Variants in SLC16A12 observed in about 807,000 individuals in gnomAD.
SLC16A12 encodes the protein solute carrier family 16 member 12, also known as monocarboxylate transporter 12.
In SLC16A12, 17 loss-of-function variants were observed where a neutral mutation model predicts 42.4. The ratio of observed to expected loss-of-function variants is 0.40; its 90% CI spans 0.27 to 0.60. SLC16A12 has a LOEUF of 0.60. Among genes scored for constraint, SLC16A12 ranks in the 20% least tolerant of loss-of-function variants. The probability of loss-of-function intolerance (pLI) is 0.42; values close to 1 mark genes in which losing one functional copy is unlikely to be tolerated. For missense variants in SLC16A12, 544 were observed against 623.0 expected (o/e 0.87, Z 1.35); for synonymous variants, 224 against 229.4 (o/e 0.98, Z 0.21).
At chr10:89,442,419 T>C (rs950896908) in intron 4 of SLC16A12, among the ~76,000 whole-genome samples, 2 of 152,228 alleles carry the variant, frequency 1.3e-5, no homozygotes, top group African/African-American at 4.8e-5. Flanking sequence ...ATTGACTGTG[T>C]GACCATATTG....
chr10:89,462,618 T>C lies in SLC16A12; in HGVS notation c.-40A>G. 1 of 1,553,810 alleles carries C rather than the reference T, an allele frequency of 6.4e-7. No homozygotes were observed. The highest frequency in any genetic ancestry group is 8.6e-7 in the Non-Finnish European group (1 of 1,156,098). ...GAACGCTACCTGGCCCATGGGTTAC[T>C]CGCCATCTAAAACCAAAAATCAGGA... On this transcript the variant is annotated 5_prime_UTR_variant, in exon 3 of 8. Transcript: ENST00000371790.
intron 2 of SLC16A12, among the ~76,000 whole-genome samples, chr10:89,484,780 C>A (rs186718301): frequency 1.9e-4 from 29 of 152,240 alleles, no homozygotes; most frequent in African/African-American, 6.7e-4. Context: ...AGAATTTTTC[C>A]TATGTAAATT....
At chr10:89,505,508 G>A (rs1312788019) in intron 2 of SLC16A12, among the ~76,000 whole-genome samples, 1 of 152,190 alleles carries the variant, frequency 6.6e-6, no homozygotes, top group African/African-American at 2.4e-5. Context: ...CAGCGAGACT[G>A]ATGCAGAAGA....
chr10:89,452,659 A>G (rs1467822758), intron 3 of SLC16A12, among the ~76,000 whole-genome samples: 4 of 152,128 alleles, frequency 2.6e-5, no homozygotes, highest in African/African-American at 9.7e-5. Context: ...AAAATGGAAC[A>G]GTGTGGTGAG....
At chr10:89,448,455 C>T (rs13221849) in intron 3 of SLC16A12, among the ~76,000 whole-genome samples, 38 of 152,152 alleles carry the variant, frequency 2.5e-4, no homozygotes, top group Middle Eastern at 3.4e-3. Context: ...GTTCTACATA[C>T]GCAAATCAAT....
chr10:89,513,433 T>C (rs1344349832), intron 2 of SLC16A12, among the ~76,000 whole-genome samples: 1 of 152,238 alleles, frequency 6.6e-6, no homozygotes, highest in East Asian at 1.9e-4. Flanking sequence ...TTCCTGATGG[T>C]TCTTCCTTTG....
In SLC16A12 at chr10:89,438,874, G is replaced by A. The variant is rs773706712; in HGVS notation, c.758C>T (p.Ser253Phe). The A allele has an allele frequency of 1.2e-5, 19 of 1,613,986 alleles. No homozygotes were observed. Among genetic ancestry groups the A allele is most frequent in the Non-Finnish European group, 1.5e-5 (18 of 1,180,012 alleles). ...TTCTTTGGTCAAAGATGAATAGGGA[G>A]ACACCCGCTTAATGTCTTCTTTCTG... ...RTQKEDIKRV[S>F]PYSSLTKEWA... The change falls in exon 6 of 8, where the codon TCT becomes TTT. Residue 253 changes from serine to phenylalanine, a missense_variant. Physicochemically the swap from Ser to Phe is radical, Grantham distance 155. Coordinates refer to ENST00000371790, the MANE Select transcript of SLC16A12 (RefSeq NM_213606.4).
intron 2 of SLC16A12, among the ~76,000 whole-genome samples, chr10:89,542,306 C>CTTTTTTTTTTTT (rs200847363): frequency 2.9e-5 from 4 of 137,024 alleles, no homozygotes; most frequent in African/African-American, 1.1e-4. Context: ...CTTTTTTTTT[C>CTTTTTTTTTTTT]TTTTTTTTTT....
intron 2 of SLC16A12, among the ~76,000 whole-genome samples, chr10:89,552,074 T>G (rs1843774165): frequency 6.6e-6 from 1 of 152,164 alleles, no homozygotes. Context: ...TAGCTAGGAC[T>G]ACAGGTGCGT....
chr10:89,469,496 T>A (rs1195942182), intron 2 of SLC16A12, among the ~76,000 whole-genome samples: 1 of 152,176 alleles, frequency 6.6e-6, no homozygotes, highest in African/African-American at 2.4e-5. Flanking sequence ...ACCTACAAAT[T>A]TCTTATAGTC....
chr10:89,444,957 A>T (rs1841975091), intron 3 of SLC16A12, among the ~76,000 whole-genome samples: 1 of 152,226 alleles, frequency 6.6e-6, no homozygotes, highest in African/African-American at 2.4e-5. Context: ...TCCTGTGCCT[A>T]GCTCAGCAAG....
chr10:89,504,861 C>G (rs1203007123), intron 2 of SLC16A12, among the ~76,000 whole-genome samples: 1 of 152,170 alleles, frequency 6.6e-6, no homozygotes, highest in African/African-American at 2.4e-5. Flanking sequence ...TTCTGCTTCA[C>G]TGGGCAGAGG....
intron 2 of SLC16A12, among the ~76,000 whole-genome samples, chr10:89,521,766 G>T (rs926221624): frequency 1.3e-5 from 2 of 152,198 alleles, no homozygotes; most frequent in Non-Finnish European, 2.9e-5. Context: ...ATTGTAATCT[G>T]GCTGAAGCAT....
intron 7 of SLC16A12, among the ~76,000 whole-genome samples, chr10:89,435,324 G>A (rs1356684346): frequency 2.6e-5 from 4 of 152,080 alleles, no homozygotes; most frequent in South Asian, 2.1e-4. Flanking sequence ...TCTCAACCAT[G>A]ACATTATTTT....
intron 2 of SLC16A12, among the ~76,000 whole-genome samples, chr10:89,511,749 T>C (rs1485531182): frequency 2.0e-5 from 3 of 152,000 alleles, no homozygotes; most frequent in Non-Finnish European, 4.4e-5. Context: ...ACAAATAAAA[T>C]TTAAAAACAA....
chr10:89,484,886 T>C (rs1842723625), intron 2 of SLC16A12, among the ~76,000 whole-genome samples: 1 of 152,202 alleles, frequency 6.6e-6, no homozygotes, highest in African/African-American at 2.4e-5. Flanking sequence ...GCCACGTTTG[T>C]GCTACCTGTT....
chr10:89,554,364 T>C (rs964903670), intron 2 of SLC16A12, among the ~76,000 whole-genome samples: 5 of 152,204 alleles, frequency 3.3e-5, no homozygotes, highest in Non-Finnish European at 5.9e-5. Flanking sequence ...TGGTGAAATC[T>C]ACCAGGAGAT....
intron 2 of SLC16A12, among the ~76,000 whole-genome samples, chr10:89,494,525 T>G (rs1371658454): frequency 6.6e-6 from 1 of 152,178 alleles, no homozygotes; most frequent in African/African-American, 2.4e-5. Context: ...CGCATGTTTA[T>G]CTCTCCTCCT....
At chr10:89,536,073 C>T (rs1412531914), upstream of SLC16A12, among the ~76,000 whole-genome samples, 1 of 151,128 alleles carries the variant, frequency 6.6e-6, no homozygotes, top group Admixed American at 6.5e-5. Flanking sequence ...TGTAATGCAC[C>T]GGCTTTCTGT....
Sources: gnomAD v4.1 joint callset for allele counts (sites outside exome capture counted in the v4.1 genomes callset) on GRCh38, gnomAD v4.1.1 for gene constraint, MANE v1.5 for transcripts, NCBI Gene and HGNC (gene_info 2026-07-23, HGNC 2026-07-21) for gene names.